The following DST variants were observed in gnomAD, a reference collection of about 807,000 sequenced individuals.
DST encodes the protein dystonin.
DST carries 253 observed loss-of-function variants against 875.2 expected under a neutral mutation model. The observed-to-expected ratio is 0.29, with a 90% CI of 0.26 to 0.32. DST has a LOEUF of 0.32. Among genes scored for constraint, DST ranks in the 10% least tolerant of loss-of-function variants. The probability of loss-of-function intolerance (pLI) is 1.00; values close to 1 mark genes in which losing one functional copy is unlikely to be tolerated. For synonymous variants in DST, 3,124 were observed against 3,197.1 expected, an observed-to-expected ratio of 0.98 and a Z score of 0.77; for missense variants, 8,287 against 9,111.6, an observed-to-expected ratio of 0.91 and a Z score of 3.68.
chr6:56,674,832 C>T (rs541049445), intron 9 of DST, among the ~76,000 whole-genome samples: 107 of 152,310 alleles, frequency 7.0e-4, no homozygotes, highest in South Asian at 6.0e-3. Context: ...AATGTCCATA[C>T]TAGCCAAAGC....
rs765748754 is a variant in DST, at chr6:56,476,156, T to C, written c.21857A>G (p.Glu7286Gly). ...EIEEVKALIA[E>G]HQTFMEEMTR... ...GGATTATATTTATTTTACCTGGTGTTCTGCAATGAGTGCTTTCACCTCTTC... is the reference window on the plus strand; with the variant it reads ...GGATTATATTTATTTTACCTGGTGTCCTGCAATGAGTGCTTTCACCTCTTC... The change falls in exon 92 of 104, where the codon GAA becomes GGA. Residue 7286 changes from glutamate to glycine, a missense_variant. Glu to Gly is a moderately conservative substitution (Grantham distance 98). This residue lies in a region of DST where 1,292 missense variants were observed against 1,552.7 expected (regional missense o/e 0.83). Coordinates refer to ENST00000680361, the MANE Select transcript of DST (RefSeq NM_001374736.1). 6.2e-7 allele frequency: 1 copy of C among 1,605,172 alleles called. No homozygotes were observed. The highest frequency in any genetic ancestry group is 8.5e-7 in the Non-Finnish European group (1 of 1,176,178).
chr6:56,830,943 A>C (rs563825530), intron 4 of DST, among the ~76,000 whole-genome samples: 1 of 152,220 alleles, frequency 6.6e-6, no homozygotes, highest in Admixed American at 6.5e-5. Context: ...TAGACTGGCT[A>C]TCAGAAGACC....
chr6:56,492,424 T>C lies in DST; in HGVS notation c.20560A>G (p.Asn6854Asp), dbSNP rs765658361. 6.2e-7 allele frequency: 1 copy of C among 1,609,802 alleles called. No homozygotes were observed. The highest frequency in any genetic ancestry group is 8.5e-7 in the Non-Finnish European group (1 of 1,179,046). ...TGCTCACGATGAGAATTTACTTCATTGGCAAAAACCTTTCCCAGAAAAAAA... is the reference window on the plus strand; with the variant it reads ...TGCTCACGATGAGAATTTACTTCATCGGCAAAAACCTTTCCCAGAAAAAAA... ...FQIDEHKVFA[N>D]EVNSHREQII... The change falls in exon 85 of 104, where the codon AAT (asparagine) becomes GAT (aspartate). Residue 6854 changes from asparagine (N) to aspartate (D), a missense_variant. By Grantham distance (23) the Asn-to-Asp change is conservative. Transcript: ENST00000680361.
chr6:56,764,097 G>GCA (rs57134689), intron 4 of DST, among the ~76,000 whole-genome samples: 33,775 of 141,676 alleles, frequency 0.24, 4,524 homozygotes, highest in Non-Finnish European at 0.31. Flanking sequence ...AAGTGCACAT[G>GCA]CACACACACA....
At chr6:56,852,762 C>G (rs1006949123) in intron 3 of DST, among the ~76,000 whole-genome samples, 1 of 152,200 alleles carries the variant, frequency 6.6e-6, no homozygotes, top group Non-Finnish European at 1.5e-5. Flanking sequence ...TGGTATAACT[C>G]GAATTCCTGA....
At chr6:56,633,119 A>C (rs1191384341) in intron 27 of DST, 82 bp from the exon 28 acceptor site, 1 of 1,084,076 alleles carries the variant, frequency 9.2e-7, no homozygotes, top group Non-Finnish European at 1.4e-6. Flanking sequence ...GTCGTGTGGT[A>C]TATGCCAATC....
At position 56,603,408 on chromosome 6, in the gene DST, C is replaced by A; in HGVS notation, c.10954G>T (p.Gly3652Ter). 1 of 1,609,996 alleles carries A rather than the reference C, an allele frequency of 6.2e-7. No homozygotes were observed. The highest frequency in any genetic ancestry group is 8.5e-7 in the Non-Finnish European group (1 of 1,178,900). The change falls in exon 42 of 104, where the codon GGA (glycine) becomes TGA (stop). Residue 3652 changes from glycine to a stop codon, truncating the protein, a stop_gained. Transcript: ENST00000680361. LOFTEE classifies it high-confidence loss of function. The stretch of plus-strand genomic sequence containing the variant: ...AAAATAACAGCAATTGGAGCTAATC[C>A]CAATTCAAATGTCTGCAAAGAAATA... ...QLRQLETFEL[G>*]LAPIAVILRK...
chr6:56,578,836 C>T lies in DST; in HGVS notation c.13005G>A (p.Lys4335=). 6.2e-7 allele frequency: 1 copy of T among 1,612,114 alleles called. No homozygotes were observed. Among genetic ancestry groups the T allele is most frequent in the Middle Eastern group, 1.7e-4 (1 of 6,056 alleles). ...LDARGSLLPA[K]NDIQKTLDDI... is the part of the protein sequence containing the mutation. ...TACCAAGTGTTTTCTGGATATCATTCTTGGCTGGAAGTAAAGATCCCCTGG... is the reference window on the plus strand; with the variant it reads ...TACCAAGTGTTTTCTGGATATCATTTTTGGCTGGAAGTAAAGATCCCCTGG... Residue 4335 remains lysine, a synonymous_variant, in exon 50 of 104, where the codon AAG becomes AAA. Coordinates refer to ENST00000680361, the MANE Select transcript of DST (RefSeq NM_001374736.1).
chr6:56,572,287 C>T, intron 52 of DST, 21 bp from the exon 53 acceptor site: 1 of 1,512,314 alleles, frequency 6.6e-7, no homozygotes, highest in Non-Finnish European at 8.9e-7. Context: ...TTAAGATATT[C>T]AGTCAATATA....
intron 51 of DST, among the ~76,000 whole-genome samples, chr6:56,573,348 C>G (rs536327111): frequency 6.6e-6 from 1 of 152,250 alleles, no homozygotes; most frequent in African/African-American, 2.4e-5. Flanking sequence ...TAGCCATGGT[C>G]CTAATTCTTA....
rs2096617707 is a variant in DST at position 56,517,491 on chromosome 6, A to G, written c.18249+10T>C. On this transcript the variant is annotated intron_variant, in intron 70 of 103. Coordinates refer to ENST00000680361, the MANE Select transcript of DST (RefSeq NM_001374736.1). ...TAATTCATATGGCAATTGGAAATGT[A>G]TTTCTTCACCTTTTGAACTTGAAGC... 2 of 1,610,940 alleles carry G rather than the reference A, an allele frequency of 1.2e-6. No individual in the cohort carries two copies. Among genetic ancestry groups the G allele is most frequent in the Non-Finnish European group, 1.7e-6 (2 of 1,178,462 alleles).
At chr6:56,841,167 A>T (rs1402323105) in intron 4 of DST, among the ~76,000 whole-genome samples, 2 of 152,186 alleles carry the variant, frequency 1.3e-5, no homozygotes, top group African/African-American at 2.4e-5. Context: ...AGTGTAGTGA[A>T]GTCATCATAC....
intron 54 of DST, among the ~76,000 whole-genome samples, chr6:56,569,195 G>A (rs750057535): frequency 4.6e-5 from 7 of 151,706 alleles, no homozygotes; most frequent in African/African-American, 9.7e-5. Context: ...CGTGGTGGCA[G>A]CCACCTGTAG....
chr6:56,581,423 T>TC (rs2097988069), intron 49 of DST, among the ~76,000 whole-genome samples: 1 of 152,138 alleles, frequency 6.6e-6, no homozygotes, highest in South Asian at 2.1e-4. Context: ...TGGAAAAGGT[T>TC]AACAGTGTCA....
chr6:56,839,105 A>T (rs2099796960), intron 4 of DST, among the ~76,000 whole-genome samples: 1 of 152,216 alleles, frequency 6.6e-6, no homozygotes, highest in South Asian at 2.1e-4. Context: ...ACCTGCAGAT[A>T]GAGATGGCCC....
rs373925692 is a variant in DST at position 56,573,039 on chromosome 6, C to T, written c.13262G>A (p.Arg4421His). 1.4e-4 allele frequency: 223 copies of T among 1,591,978 alleles called. No individual in the cohort carries two copies. The highest frequency in any genetic ancestry group is 1.7e-4 in the Non-Finnish European group (203 of 1,169,564). ...ATTCATGGCATTTATACTGCTCTGA[C>T]GACCTGCAATATCCTGTTCCAACAT... ...NIMLEQDIAG[R>H]QSSINAMNEK... Residue 4421 changes from arginine (R) to histidine (H), a missense_variant, in exon 52 of 104, where the codon CGT (arginine) becomes CAT (histidine). Transcript: ENST00000680361.
intron 4 of DST, among the ~76,000 whole-genome samples, chr6:56,763,114 T>G (rs2099621638): frequency 6.6e-6 from 1 of 152,070 alleles, no homozygotes; most frequent in Non-Finnish European, 1.5e-5. Flanking sequence ...CCTCCCAAAG[T>G]GCTGGGATTA....
chr6:56,670,128 CCGTG>C (rs1423619077), intron 10 of DST, among the ~76,000 whole-genome samples: 5 of 106,680 alleles, frequency 4.7e-5, no homozygotes, highest in Non-Finnish European at 9.4e-5. Flanking sequence ...GTGCGAGCGC[CCGTG>C]CGTGTGTGTG....
chr6:56,630,615 G>C (rs2152758219), intron 30 of DST, among the ~76,000 whole-genome samples: 1 of 152,162 alleles, frequency 6.6e-6, no homozygotes, highest in East Asian at 1.9e-4. Flanking sequence ...ACATAAGATG[G>C]TTTCTTTCTA....
Sources: gnomAD v4.1 joint callset for allele counts (sites outside exome capture counted in the v4.1 genomes callset) on GRCh38, gnomAD v4.1.1 for gene constraint, gnomAD v4.1.1 regional missense constraint, MANE v1.5 for transcripts, NCBI Gene and HGNC (gene_info 2026-07-23, HGNC 2026-07-21) for gene names.